The following RHBDD1 variants were observed in gnomAD, a reference collection of about 807,000 sequenced individuals.
RHBDD1 encodes the protein rhomboid domain containing 1, also known as rhomboid-related protein 4.
A neutral mutation model predicts 36.3 loss-of-function variants in RHBDD1; 38 were observed. The ratio of observed to expected loss-of-function variants is 1.05; its 90% CI spans 0.81 to 1.37. The LOEUF (loss-of-function observed/expected upper bound fraction) is 1.37. Among genes scored for constraint, RHBDD1 ranks in the 40% most tolerant of loss-of-function variants. The pLI, the probability that RHBDD1 is intolerant of heterozygous loss-of-function variation, is 0.00. For missense variants in RHBDD1, 393 were observed against 377.6 expected (o/e 1.04, Z -0.34); for synonymous variants, 151 against 136.5 (o/e 1.11, Z -0.74).
chr2:226,933,075 G>A (rs1382703441), intron 8 of RHBDD1, among the ~76,000 whole-genome samples: 1 of 152,064 alleles, frequency 6.6e-6, no homozygotes, highest in Non-Finnish European at 1.5e-5. Flanking sequence ...GGAAATGCCA[G>A]AGGCTTATAA....
chr2:226,804,513 T>G, the RHBDD1 span: 8 of 152,194 alleles, frequency 5.3e-5, no homozygotes, highest in Admixed American at 1.3e-4. Context: ...CCAATATGAA[T>G]TGATTTTCCT....
At chr2:226,806,807 CA>C in the RHBDD1 span, among the ~76,000 whole-genome samples, 1 of 152,184 alleles carries the variant, frequency 6.6e-6, no homozygotes, top group Non-Finnish European at 1.5e-5. Flanking sequence ...ACTAAGGTGT[CA>C]TGACCTACAG....
intron 8 of RHBDD1, among the ~76,000 whole-genome samples, chr2:226,933,244 C>T (rs1950141278): frequency 6.6e-6 from 1 of 152,066 alleles, no homozygotes; most frequent in South Asian, 2.1e-4. Context: ...GGTTTTTGCT[C>T]TTCTTTCAGG....
intron 8 of RHBDD1, among the ~76,000 whole-genome samples, chr2:226,983,008 C>G (rs1956126849): frequency 6.6e-6 from 1 of 152,210 alleles, no homozygotes; most frequent in South Asian, 2.1e-4. Context: ...AGGAAACTAC[C>G]AGTCTTTGAC....
intron 6 of RHBDD1, chr2:226,908,582 T>TACACACACACACACACACACAC (rs10559846): frequency 1.4e-4 from 48 of 346,906 alleles, no homozygotes; most frequent in African/African-American, 9.0e-4. Context: ...CATTTTCCAC[T>TACACACACACACACACACACAC]ACACACACAC....
rs891345154 is a variant in RHBDD1, at chr2:226,999,043, C to T, written c.*3521C>T. ...ACCACATCTACACAGTTTCCACATA[C>T]CACTTGGAATTGCTGGTTATGCTGC... On this transcript the variant is annotated 3_prime_UTR_variant, in exon 9 of 9. Transcript: ENST00000392062. 4 of 152,252 alleles carry T rather than the reference C, an allele frequency of 2.6e-5. No homozygotes were observed. Among genetic ancestry groups the T allele is most frequent in the Non-Finnish European group, 5.9e-5 (4 of 68,062 alleles). 9.4% of individuals were successfully genotyped at this position (152,252 alleles called of 1,614,324 possible).
chr2:226,857,622 G>A (rs1943461007), intron 3 of RHBDD1, among the ~76,000 whole-genome samples: 1 of 152,118 alleles, frequency 6.6e-6, no homozygotes, highest in South Asian at 2.1e-4. Context: ...ATCGATAATT[G>A]CTACAACATG....
rs117834622 is a variant in RHBDD1 at position 226,904,416 on chromosome 2, G to T, written c.567-2377G>T. On this transcript the variant is annotated intron_variant, in intron 5 of 8. Coordinates refer to ENST00000392062, the MANE Select transcript of RHBDD1 (RefSeq NM_001167608.3). ...ACCACTGTGGCACATCCTGCAAGCG[G>T]GGGGGGAGGGGGGTCAGGGAACTCC... 2.1e-3 allele frequency among the ~76,000 whole-genome samples: 306 copies of T among 148,194 alleles called. 27 individuals are homozygous for T. The East Asian group carries it at 0.048, about 23-fold the overall frequency.
At position 226,867,168 on chromosome 2, in the gene RHBDD1, T is replaced by C. The variant is rs1248816754; in HGVS notation, c.434-18T>C. ...CTTTTGGATTGTTGATATTTGCATG[T>C]TCTTCATTCTCTTTTAGGAGTTTTG... is the stretch of plus-strand genomic sequence containing the variant. On this transcript the variant is annotated intron_variant, in intron 4 of 8. Coordinates refer to ENST00000392062, the MANE Select transcript of RHBDD1 (RefSeq NM_001167608.3). The C allele has an allele frequency of 1.3e-6, 2 of 1,585,858 alleles. No individual in the cohort carries two copies. The highest frequency in any genetic ancestry group is 2.7e-5 in the African/African-American group (2 of 73,250).
intron 5 of RHBDD1, among the ~76,000 whole-genome samples, chr2:226,892,499 A>G (rs1172743805): frequency 6.6e-6 from 1 of 152,180 alleles, no homozygotes; most frequent in Non-Finnish European, 1.5e-5. Context: ...CACTGACTTG[A>G]GGTATCAGGT....
Position 226,996,632 on chromosome 2 carries a change from A to T in RHBDD1, c.*1110A>T, listed in dbSNP as rs1426123367. The T allele has an allele frequency of 1.3e-5, 2 of 152,252 alleles. No individual in the cohort carries two copies. The highest frequency in any genetic ancestry group is 4.8e-5 in the African/African-American group (2 of 41,464). The allele number at this position is 152,252 out of a possible 1,614,324, so 9.4% of individuals were successfully genotyped here. A position where few individuals can be genotyped will look rare whatever the true frequency, so the allele number is the denominator to read the frequency against. On this transcript the variant is annotated 3_prime_UTR_variant, in exon 9 of 9. Coordinates refer to ENST00000392062, the MANE Select transcript of RHBDD1 (RefSeq NM_001167608.3). ...AACTTATATAGTTTTCTGATTATGCACATAATAGATATGCCTTCCAGATGC... is the reference window on the plus strand; with the variant it reads ...AACTTATATAGTTTTCTGATTATGCTCATAATAGATATGCCTTCCAGATGC...
intron 7 of RHBDD1, among the ~76,000 whole-genome samples, chr2:226,909,812 A>G (rs941476923): frequency 1.3e-5 from 2 of 152,216 alleles, no homozygotes; most frequent in Non-Finnish European, 2.9e-5. Flanking sequence ...TAAGCCAGCC[A>G]GTCTATGGCT....
At chr2:226,928,702 C>A (rs544880312) in intron 8 of RHBDD1, among the ~76,000 whole-genome samples, 4 of 151,904 alleles carry the variant, frequency 2.6e-5, no homozygotes, top group Non-Finnish European at 4.4e-5. Flanking sequence ...CAAAAAAGAT[C>A]ATGAAACAGA....
Position 226,960,867 on chromosome 2 carries a change from A to G in RHBDD1, c.857-34564A>G, listed in dbSNP as rs140971051. Among the ~76,000 whole-genome samples, 25 of 152,320 alleles carry G rather than the reference A, an allele frequency of 1.6e-4. No individual in the cohort carries two copies. In the East Asian group the frequency reaches 4.8e-3, roughly 29 times the overall value. On this transcript the variant is annotated intron_variant, in intron 8 of 8. Transcript: ENST00000392062. ...TCGAGTATCTGGAAGGACCTTGTAC[A>G]ATAAGCATACAACAAAAAAATTCTC...
intron 8 of RHBDD1, among the ~76,000 whole-genome samples, chr2:226,927,675 G>A (rs1949757149): frequency 6.6e-6 from 1 of 151,938 alleles, no homozygotes; most frequent in Non-Finnish European, 1.5e-5. Context: ...ATTCAAATAG[G>A]CGTGAGGTTG....
At chr2:226,801,586 A>C in the RHBDD1 span, among the ~76,000 whole-genome samples, 1 of 152,192 alleles carries the variant, frequency 6.6e-6, no homozygotes, top group African/African-American at 2.4e-5. Flanking sequence ...ATTTGAGTAC[A>C]CATGTTGAAT....
At chr2:226,872,295 A>G (rs1000245112) in intron 5 of RHBDD1, among the ~76,000 whole-genome samples, 1 of 152,230 alleles carries the variant, frequency 6.6e-6, no homozygotes, top group Non-Finnish European at 1.5e-5. Context: ...TATTATAAAC[A>G]TTATTAAATC....
chr2:226,987,002 A>G (rs995370950), intron 8 of RHBDD1, among the ~76,000 whole-genome samples: 7 of 152,250 alleles, frequency 4.6e-5, no homozygotes, highest in African/African-American at 1.7e-4. Context: ...CAGCCATAAA[A>G]AAGAATGAGT....
At chr2:226,918,432 T>G (rs962009090) in intron 8 of RHBDD1, among the ~76,000 whole-genome samples, 1 of 152,044 alleles carries the variant, frequency 6.6e-6, no homozygotes, top group Non-Finnish European at 1.5e-5. Flanking sequence ...ATTCTAATTA[T>G]TTTTTGTACC....
Sources: gnomAD v4.1 joint callset for allele counts (sites outside exome capture counted in the v4.1 genomes callset) on GRCh38, gnomAD v4.1.1 for gene constraint, MANE v1.5 for transcripts, NCBI Gene and HGNC (gene_info 2026-07-23, HGNC 2026-07-21) for gene names.